The following KIF5C variants were observed in gnomAD, a reference collection of about 807,000 sequenced individuals.
The protein encoded by KIF5C is kinesin family member 5C.
Under a neutral mutation model 125.2 loss-of-function variants are expected in KIF5C, and 18 were observed. The ratio of observed to expected loss-of-function variants is 0.14; its 90% CI spans 0.10 to 0.21. The LOEUF is 0.21. Among genes scored for constraint, KIF5C ranks in the 10% least tolerant of loss-of-function variants. The probability of loss-of-function intolerance (pLI) is 1.00; values close to 1 mark genes in which losing one functional copy is unlikely to be tolerated. For synonymous variants in KIF5C, 405 were observed against 434.0 expected (o/e 0.93, Z 0.83); for missense variants, 780 against 1,183.8 (o/e 0.66, Z 5.01).
chr2:148,962,536 T>C (rs1008457974), intron 11 of KIF5C, among the ~76,000 whole-genome samples: 1 of 152,032 alleles, frequency 6.6e-6, no homozygotes, highest in East Asian at 1.9e-4. Context: ...CTTGGGAAAG[T>C]TGGGGCAATG....
In KIF5C at chr2:148,876,762, A is replaced by G. The variant is rs1681205431; in HGVS notation, c.126+1019A>G. On this transcript the variant is annotated intron_variant, in intron 1 of 25. Coordinates refer to ENST00000435030, the MANE Select transcript of KIF5C (RefSeq NM_004522.3). The surrounding 1 kb of genome is among the most constrained non-coding windows in gnomAD (Gnocchi z 4.7). ...CGCCCCTTCCCCGCCCGCTGTCCGT[A>G]GCGTGTGTGGCTGATGGTGCCCCCT... Among the ~76,000 whole-genome samples, 1 of 152,104 alleles carries G rather than the reference A, an allele frequency of 6.6e-6. No individual in the cohort carries two copies. Among genetic ancestry groups the G allele is most frequent in the Non-Finnish European group, 1.5e-5 (1 of 67,996 alleles).
intron 10 of KIF5C, among the ~76,000 whole-genome samples, chr2:148,957,567 C>T (rs1682821559): frequency 7.1e-6 from 1 of 141,066 alleles, no homozygotes; most frequent in Non-Finnish European, 1.5e-5. Context: ...TTTTAACATC[C>T]TAGATAGGAG....
intron 16 of KIF5C, among the ~76,000 whole-genome samples, chr2:148,993,832 A>G (rs558196433): frequency 6.6e-6 from 1 of 152,310 alleles, no homozygotes; most frequent in East Asian, 1.9e-4. Context: ...AAGACAAGAC[A>G]AATGATGTAG....
rs919192862 is a variant in KIF5C, at chr2:148,957,609, A to C, written c.969-4362A>C. On this transcript the variant is annotated intron_variant, in intron 10 of 25. Transcript: ENST00000435030. ...TGTTCTAGTAAAAAAAAAAAAAAAAAAAAAAAAACAATAAACCTCAGGGCA... is the reference window on the plus strand; with the variant it reads ...TGTTCTAGTAAAAAAAAAAAAAAAACAAAAAAAACAATAAACCTCAGGGCA... Among the ~76,000 whole-genome samples the C allele has an allele frequency of 5.8e-4, 88 of 150,952 alleles. 1 individual carries two copies. Among genetic ancestry groups the C allele is most frequent in the Non-Finnish European group, 1.1e-3 (74 of 67,736 alleles).
chr2:148,998,437 C>A lies in KIF5C; in HGVS notation c.2138C>A (p.Ala713Asp). The change falls in exon 19 of 26, where the codon GCT becomes GAT. Residue 713 changes from alanine to aspartate, a missense_variant. Physicochemically the swap from Ala to Asp is moderately radical, Grantham distance 126. This residue lies in a region of KIF5C where 573 missense variants were observed against 742.6 expected (regional missense o/e 0.77). Transcript: ENST00000435030. Reference protein sequence around the residue: ...LEQQMESHREAHQKQLSRLRD... With the variant: ...LEQQMESHREDHQKQLSRLRD... ...CAGCAGATGGAGAGCCACCGGGAAG[C>A]TCACCAGAAGCAGCTGTCCAGACTC... 6.4e-7 allele frequency: 1 copy of A among 1,567,442 alleles called. No homozygotes were observed. Among genetic ancestry groups the A allele is most frequent in the Non-Finnish European group, 8.7e-7 (1 of 1,155,984 alleles).
In KIF5C at chr2:148,951,447, T is replaced by G. The variant is rs192714305; in HGVS notation, c.968+985T>G. ...TTCATATCTTTTTTTCTTGTCACTT[T>G]CTTTTTTACCTACCCCCTCCCACTG... is the stretch of plus-strand genomic sequence containing the variant. On this transcript the variant is annotated intron_variant, in intron 10 of 25. Coordinates refer to ENST00000435030, the MANE Select transcript of KIF5C (RefSeq NM_004522.3). 2.7e-3 allele frequency among the ~76,000 whole-genome samples: 415 copies of G among 152,300 alleles called. 1 individual carries two copies. The highest frequency in any genetic ancestry group is 9.7e-3 in the African/African-American group (402 of 41,564).
At chr2:148,947,771 G>A (rs1438089002) in intron 8 of KIF5C, 3 of 398,388 alleles carry the variant, frequency 7.5e-6, no homozygotes, top group Non-Finnish European at 1.5e-5. Context: ...GACCTCCCTC[G>A]AGCAACATCA....
At chr2:148,905,825 G>C (rs924118479) in intron 1 of KIF5C, among the ~76,000 whole-genome samples, 3 of 152,140 alleles carry the variant, frequency 2.0e-5, no homozygotes, top group Non-Finnish European at 4.4e-5. Flanking sequence ...TGCATGGCTG[G>C]GGAGGCCTCG....
At chr2:148,937,436 A>G (rs759547162) in intron 4 of KIF5C, 48 bp downstream of exon 4, 1 of 1,539,268 alleles carries the variant, frequency 6.5e-7, no homozygotes, top group Non-Finnish European at 8.8e-7. Context: ...GCCCCAGATA[A>G]CGTTTCTTAT....
intron 21 of KIF5C, among the ~76,000 whole-genome samples, chr2:149,004,426 G>C (rs562356917): frequency 1.3e-5 from 2 of 152,264 alleles, no homozygotes; most frequent in East Asian, 3.9e-4. Flanking sequence ...TATTTCCTAT[G>C]GTAAATACAT....
chr2:148,978,856 C>T, intron 12 of KIF5C, 66 bp from the exon 13 acceptor site: 5 of 1,516,292 alleles, frequency 3.3e-6, no homozygotes, highest in Non-Finnish European at 4.4e-6. Flanking sequence ...CTGCCTGTCA[C>T]TGGGAGACTG....
At chr2:148,919,686 T>C (rs1187312682) in intron 1 of KIF5C, among the ~76,000 whole-genome samples, 1 of 152,242 alleles carries the variant, frequency 6.6e-6, no homozygotes, top group African/African-American at 2.4e-5. Flanking sequence ...GGTACAGCTA[T>C]GCCCCAAGTC....
At chr2:148,988,819 C>T (rs576560865) in intron 15 of KIF5C, among the ~76,000 whole-genome samples, 6 of 152,196 alleles carry the variant, frequency 3.9e-5, no homozygotes, top group African/African-American at 1.2e-4. Context: ...CTTTGGCAGT[C>T]GGAAGTAAAA....
chr2:148,983,515 A>G lies in KIF5C; in HGVS notation c.1570-105A>G, dbSNP rs1681290991. 2.9e-6 allele frequency: 4 copies of G among 1,376,300 alleles called. No individual in the cohort carries two copies. In the East Asian group the frequency reaches 7.5e-5, roughly 26 times the overall value. 85.3% of individuals were successfully genotyped at this position (1,376,300 alleles called of 1,614,324 possible). Reference sequence around the variant, plus strand: ...TTAAAAGGATTCTTAGGTTGAAGTCATGTAAAAGAAATCCATTCTACATGA... The same window carrying G: ...TTAAAAGGATTCTTAGGTTGAAGTCGTGTAAAAGAAATCCATTCTACATGA... On this transcript the variant is annotated intron_variant, in intron 14 of 25. Transcript: ENST00000435030.
At chr2:149,014,015 C>T (rs1223016789) in intron 25 of KIF5C, among the ~76,000 whole-genome samples, 1 of 152,138 alleles carries the variant, frequency 6.6e-6, no homozygotes, top group Non-Finnish European at 1.5e-5. Context: ...TGGTTTGCTG[C>T]ACCCATCAAC....
rs1422970995 is a variant in KIF5C at position 148,973,487 on chromosome 2, T to C, written c.1269T>C (p.Ser423=). 3 of 1,611,848 alleles carry C rather than the reference T, an allele frequency of 1.9e-6. No homozygotes were observed. Among genetic ancestry groups the C allele is most frequent in the Non-Finnish European group, 2.5e-6 (3 of 1,179,084 alleles). The change falls in exon 12 of 26, where the codon AGT becomes AGC. Residue 423 remains serine (S), a synonymous_variant. Coordinates refer to ENST00000435030, the MANE Select transcript of KIF5C (RefSeq NM_004522.3). ...AGAAGTACGATGAGGAGATCTCCAG[T>C]CTCTACAGACAACTGGATGACAAGG... The part of the protein sequence containing the change: ...EKEKYDEEIS[S]LYRQLDDKDD...
chr2:148,997,722 T>C (rs938642530), intron 18 of KIF5C: 2 of 205,660 alleles, frequency 9.7e-6, no homozygotes, highest in Non-Finnish European at 1.9e-5. Context: ...ATAGAGATTT[T>C]TCTTTTGGTC....
chr2:148,916,004 C>T (rs1681533940), intron 1 of KIF5C, among the ~76,000 whole-genome samples: 1 of 152,176 alleles, frequency 6.6e-6, no homozygotes, highest in African/African-American at 2.4e-5. Context: ...CCACAACATC[C>T]CTTTGGCCTG....
chr2:149,011,854 G>C (rs1174368542), intron 25 of KIF5C, among the ~76,000 whole-genome samples, 171 bp downstream of exon 25: 1 of 152,246 alleles, frequency 6.6e-6, no homozygotes, highest in Non-Finnish European at 1.5e-5. Flanking sequence ...ACTTAGTCCA[G>C]AGCCCTGGGG....
Sources: gnomAD v4.1 joint callset for allele counts (sites outside exome capture counted in the v4.1 genomes callset) on GRCh38, gnomAD v4.1.1 for gene constraint, gnomAD v4.1.1 regional missense constraint, Gnocchi (gnomAD v3.1) non-coding constraint, MANE v1.5 for transcripts, NCBI Gene and HGNC (gene_info 2026-07-23, HGNC 2026-07-21) for gene names.